CTNND2: variants seen among roughly 807,000 people sequenced by gnomAD.
CTNND2 encodes the protein catenin delta 2, also known as catenin delta-2.
In CTNND2, 22 loss-of-function variants were observed where a neutral mutation model predicts 144.4. The observed-to-expected ratio is 0.15, with a 90% CI of 0.11 to 0.22. CTNND2 has a LOEUF of 0.22. Ranked by LOEUF, CTNND2 falls within the 10% of genes least tolerant of loss-of-function variation. The pLI, the probability that CTNND2 is intolerant of heterozygous loss-of-function variation, is 1.00. For missense variants in CTNND2, 1,353 were observed against 1,618.8 expected (o/e 0.84, Z 2.82); for synonymous variants, 751 against 695.6 (o/e 1.08, Z -1.25).
chr5:11,012,699 G>T (rs1228502391), intron 18 of CTNND2, among the ~76,000 whole-genome samples: 1 of 152,178 alleles, frequency 6.6e-6, no homozygotes, highest in Non-Finnish European at 1.5e-5. Context: ...CTGTGCTGTG[G>T]ACCCCTGGCC....
chr5:10,988,351 C>T lies in CTNND2; in HGVS notation c.3212-109G>A, dbSNP rs1738274921. The T allele has an allele frequency of 1.6e-5, 21 of 1,326,952 alleles. No individual in the cohort carries two copies. The highest frequency in any genetic ancestry group is 9.5e-5 in the South Asian group (7 of 73,354). The allele number at this position is 1,326,952 out of a possible 1,614,324, so 82.2% of individuals were successfully genotyped here. On this transcript the variant is annotated intron_variant, in intron 19 of 21. Coordinates refer to ENST00000304623, the MANE Select transcript of CTNND2 (RefSeq NM_001332.4). This position sits in a 1 kb window ranked among gnomAD's most constrained non-coding sequence, Gnocchi z 5.9. ...GCATGGTCCCGCATCTCAATGCCTA[C>T]GTGAGGACCTGATGGGTTTTCTTTT...
intron 3 of CTNND2, among the ~76,000 whole-genome samples, chr5:11,429,932 T>C (rs10042790): frequency 6.6e-6 from 1 of 152,084 alleles, no homozygotes; most frequent in Non-Finnish European, 1.5e-5. Context: ...CTGTAATTGC[T>C]GGAGTTAATC....
chr5:11,373,623 G>A (rs1464077003), intron 7 of CTNND2, among the ~76,000 whole-genome samples: 2 of 152,132 alleles, frequency 1.3e-5, no homozygotes, highest in African/African-American at 2.4e-5. Flanking sequence ...GGGGCCCAGG[G>A]AATGGAATAG....
intron 2 of CTNND2, among the ~76,000 whole-genome samples, chr5:11,672,937 C>T (rs753313810): frequency 1.2e-4 from 19 of 152,172 alleles, no homozygotes; most frequent in Non-Finnish European, 1.8e-4. Flanking sequence ...GAGCTGCACC[C>T]TGTCCAACCA....
chr5:11,744,147 A>G lies in CTNND2; in HGVS notation c.38-11875T>C, dbSNP rs889830740. Among the ~76,000 whole-genome samples, 5 of 152,324 alleles carry G rather than the reference A, an allele frequency of 3.3e-5. 1 individual carries two copies. In the East Asian group the frequency reaches 9.7e-4, roughly 29 times the overall value. On this transcript the variant is annotated intron_variant, in intron 1 of 21. Transcript: ENST00000304623. ...TCCGAATGTCTCACCGTCTGTTTCT[A>G]AAGCATGATCTCAGCCAATTTTATC...
intron 3 of CTNND2, among the ~76,000 whole-genome samples, chr5:11,481,694 A>C (rs1031892567): frequency 6.6e-6 from 1 of 152,048 alleles, no homozygotes; most frequent in African/African-American, 2.4e-5. Context: ...AGAGAGAGAG[A>C]ACCTAAAAGG....
chr5:11,118,141 A>G (rs61753316), intron 12 of CTNND2, among the ~76,000 whole-genome samples: 1 of 152,266 alleles, frequency 6.6e-6, no homozygotes, highest in Non-Finnish European at 1.5e-5. Context: ...GTACTAGCAC[A>G]TGCTGAGCTA....
chr5:11,654,708 C>G (rs115755532), intron 2 of CTNND2, among the ~76,000 whole-genome samples: 216 of 151,792 alleles, frequency 1.4e-3, no homozygotes, highest in African/African-American at 5.1e-3. Context: ...TTCACTTCTT[C>G]CTTTCCAATA....
At chr5:11,644,236 C>G (rs572067881) in intron 2 of CTNND2, among the ~76,000 whole-genome samples, 1 of 152,134 alleles carries the variant, frequency 6.6e-6, no homozygotes, top group South Asian at 2.1e-4. Flanking sequence ...ATGTGTCAGG[C>G]CAGATATAGG....
intron 3 of CTNND2, among the ~76,000 whole-genome samples, chr5:11,479,651 A>G (rs1768062731): frequency 6.6e-6 from 1 of 152,096 alleles, no homozygotes; most frequent in Admixed American, 6.5e-5. Context: ...ATGAAACCTG[A>G]CCAGCATCTG....
At chr5:11,639,876 C>T (rs2126498298) in intron 2 of CTNND2, among the ~76,000 whole-genome samples, 1 of 152,272 alleles carries the variant, frequency 6.6e-6, no homozygotes, top group South Asian at 2.1e-4. Context: ...CATGTTGCTT[C>T]AATGAAAGAC....
chr5:11,082,092 A>C (rs896128471), intron 16 of CTNND2, among the ~76,000 whole-genome samples: 6 of 152,184 alleles, frequency 3.9e-5, no homozygotes, highest in African/African-American at 7.2e-5. Context: ...CCTTCTCTTG[A>C]ATGTAAACTC....
intron 9 of CTNND2, among the ~76,000 whole-genome samples, chr5:11,332,608 T>C (rs1475237258): frequency 6.6e-6 from 1 of 152,172 alleles, no homozygotes; most frequent in Non-Finnish European, 1.5e-5. Context: ...ATCATCCAAA[T>C]TGAAATTCTA....
At chr5:11,240,697 A>G (rs977609197) in intron 9 of CTNND2, among the ~76,000 whole-genome samples, 4 of 141,706 alleles carry the variant, frequency 2.8e-5, no homozygotes, top group African/African-American at 1.1e-4. Context: ...GCACACAGAC[A>G]CCCAACACAC....
intron 3 of CTNND2, among the ~76,000 whole-genome samples, chr5:11,419,524 A>C (rs1047383678): frequency 1.3e-5 from 2 of 152,234 alleles, no homozygotes; most frequent in Admixed American, 6.5e-5. Flanking sequence ...GACAACTGAC[A>C]GTGTCATTTT....
chr5:11,698,349 C>T (rs1316601248), intron 2 of CTNND2, among the ~76,000 whole-genome samples: 2 of 149,796 alleles, frequency 1.3e-5, no homozygotes, highest in Non-Finnish European at 3.0e-5. Flanking sequence ...AATGCAGTGG[C>T]GCGATCTCGG....
intron 1 of CTNND2, among the ~76,000 whole-genome samples, chr5:11,811,890 A>G (rs1581923600): frequency 6.6e-6 from 1 of 152,222 alleles, no homozygotes; most frequent in South Asian, 2.1e-4. Context: ...GCATCCAGAG[A>G]AAAATATGGA....
intron 12 of CTNND2, among the ~76,000 whole-genome samples, chr5:11,145,087 G>T (rs1224377508): frequency 6.6e-6 from 1 of 152,100 alleles, no homozygotes. Flanking sequence ...ATTTAAGGGG[G>T]TGCTGAAATA....
At chr5:10,976,788 C>T (rs1736543399) in intron 21 of CTNND2, among the ~76,000 whole-genome samples, 2 of 152,200 alleles carry the variant, frequency 1.3e-5, no homozygotes, top group South Asian at 4.1e-4. Context: ...TTATTTTGAA[C>T]ACAAGGGAAA....
Sources: gnomAD v4.1 joint callset for allele counts (sites outside exome capture counted in the v4.1 genomes callset) on GRCh38, gnomAD v4.1.1 for gene constraint, Gnocchi (gnomAD v3.1) non-coding constraint, MANE v1.5 for transcripts, NCBI Gene and HGNC (gene_info 2026-07-23, HGNC 2026-07-21) for gene names.